Variants in MET observed in about 807,000 individuals in gnomAD.
The protein encoded by MET is MET proto-oncogene, receptor tyrosine kinase.
In MET, 48 loss-of-function variants were observed where a neutral mutation model predicts 133.1. That is an observed-to-expected ratio of 0.36 (90% CI 0.29 to 0.46). The LOEUF is 0.46. Ranked by LOEUF, MET falls within the 20% of genes least tolerant of loss-of-function variation. The probability of loss-of-function intolerance (pLI) is 1.00; values close to 1 mark genes in which losing one functional copy is unlikely to be tolerated. For missense variants in MET, 1,442 were observed against 1,695.9 expected, an observed-to-expected ratio of 0.85 and a Z score of 2.63; for synonymous variants, 628 against 616.5, an observed-to-expected ratio of 1.02 and a Z score of -0.28.
intron 5 of MET, 81 bp downstream of exon 5, chr7:116,741,106 G>GT (rs1168159294): frequency 5.1e-6 from 7 of 1,383,462 alleles, no homozygotes; most frequent in African/African-American, 3.7e-5. Flanking sequence ...TTTGTTTTTT[G>GT]TTTTTTTAGA....
chr7:116,754,774 G>A (rs756043598), intron 5 of MET, among the ~76,000 whole-genome samples: 6 of 150,784 alleles, frequency 4.0e-5, no homozygotes, highest in Non-Finnish European at 7.4e-5. Flanking sequence ...CCATGATCAC[G>A]CCACTGCACT....
At chr7:116,742,206 G>A (rs985111649) in intron 5 of MET, among the ~76,000 whole-genome samples, 2 of 152,210 alleles carry the variant, frequency 1.3e-5, no homozygotes, top group African/African-American at 4.8e-5. Flanking sequence ...TTTAGTTACG[G>A]TTTGGAGCAA....
chr7:116,724,276 C>G (rs567881883), intron 2 of MET: 2 of 172,200 alleles, frequency 1.2e-5, no homozygotes, highest in East Asian at 1.6e-4. Flanking sequence ...TTTCTTTGAT[C>G]CCTGACCCCT....
chr7:116,713,768 A>T (rs1284750228), intron 2 of MET, among the ~76,000 whole-genome samples: 1 of 152,160 alleles, frequency 6.6e-6, no homozygotes, highest in East Asian at 1.9e-4. Context: ...GGCTTGAACG[A>T]TATATTGGGA....
intron 11 of MET, among the ~76,000 whole-genome samples, chr7:116,769,267 TTAGA>T (rs562541499): frequency 1.3e-5 from 2 of 152,220 alleles, no homozygotes; most frequent in African/African-American, 2.4e-5. Flanking sequence ...TTGGGCAGTG[TTAGA>T]TAGTGCAACA....
chr7:116,757,516 C>A lies in MET; in HGVS notation c.1942C>A (p.Gln648Lys). 1 of 1,613,632 alleles carries A rather than the reference C, an allele frequency of 6.2e-7. No homozygotes were observed. The highest frequency in any genetic ancestry group is 8.5e-7 in the Non-Finnish European group (1 of 1,179,688). Residue 648 changes from glutamine to lysine, a missense_variant, in exon 7 of 21, where the codon CAA (glutamine) becomes AAA (lysine). Physicochemically the swap from Gln to Lys is moderately conservative, Grantham distance 53 (BLOSUM62 1). Around this residue, in one of 6 missense-constraint regions of MET, gnomAD observed 514 missense variants for 659.6 expected, o/e 0.78. Coordinates refer to ENST00000397752, the MANE Select transcript of MET (RefSeq NM_000245.4). ...IIISNGHGTTQYSTFSYVDPV... is the reference protein window; with the variant it reads ...IIISNGHGTTKYSTFSYVDPV... The stretch of plus-strand genomic sequence containing the variant: ...TATTTCAAATGGCCACGGGACAACA[C>A]AATACAGTACATTCTCCTATGTGGT...
At chr7:116,723,918 G>C (rs1792613414) in intron 2 of MET, among the ~76,000 whole-genome samples, 1 of 152,246 alleles carries the variant, frequency 6.6e-6, no homozygotes, top group Non-Finnish European at 1.5e-5. Context: ...AGTCTGCAGA[G>C]GTTACTGCTG....
Position 116,726,171 on chromosome 7 carries a change from A to ACACACACACAC in MET, c.1201-5497_1201-5496insCACACACACAC, listed in dbSNP as rs71148331. On this transcript the variant is annotated intron_variant, in intron 2 of 20. Coordinates refer to ENST00000397752, the MANE Select transcript of MET (RefSeq NM_000245.4). ...TATATATATATATATATATATATAT[A>ACACACACACAC]TATATATGGGATATAAAACAAATAC... Among the ~76,000 whole-genome samples, 136 of 122,630 alleles carry ACACACACACAC rather than the reference A, an allele frequency of 1.1e-3. 1 individual carries two copies. The highest frequency in any genetic ancestry group is 3.9e-3 in the Middle Eastern group (1 of 256). The allele number at this position is 122,630 out of a possible 152,430, so 80.5% of individuals were successfully genotyped here.
chr7:116,720,038 T>C (rs1035266703), intron 2 of MET, among the ~76,000 whole-genome samples: 3 of 152,180 alleles, frequency 2.0e-5, no homozygotes, highest in Admixed American at 6.5e-5. Context: ...AAGTCATTGG[T>C]AGCTTTATGG....
intron 5 of MET, among the ~76,000 whole-genome samples, chr7:116,745,742 A>T (rs1364262437): frequency 6.6e-6 from 1 of 152,234 alleles, no homozygotes; most frequent in Non-Finnish European, 1.5e-5. Flanking sequence ...GAAAGCTGAA[A>T]CTGGATCCCT....
chr7:116,786,639 G>T (rs1403121735), intron 19 of MET, among the ~76,000 whole-genome samples: 1 of 152,178 alleles, frequency 6.6e-6, no homozygotes, highest in African/African-American at 2.4e-5. Flanking sequence ...GAGCACAGGT[G>T]TTGAATGGAA....
intron 19 of MET, among the ~76,000 whole-genome samples, chr7:116,788,269 C>A (rs1795378436): frequency 2.0e-5 from 3 of 152,098 alleles, no homozygotes; most frequent in South Asian, 4.1e-4. Flanking sequence ...AGCTGCACGT[C>A]TATATAAATT....
intron 2 of MET, among the ~76,000 whole-genome samples, chr7:116,712,594 A>G (rs1792041395): frequency 6.6e-6 from 1 of 152,158 alleles, no homozygotes; most frequent in African/African-American, 2.4e-5. Flanking sequence ...TCTCCCCTAA[A>G]TCCCTAAAAA....
intron 1 of MET, among the ~76,000 whole-genome samples, chr7:116,674,888 C>G (rs996492493): frequency 1.3e-5 from 2 of 152,064 alleles, no homozygotes; most frequent in Non-Finnish European, 2.9e-5. Flanking sequence ...GTCTAAATCC[C>G]TAAGATTTCC....
chr7:116,719,912 G>C (rs1235254882), intron 2 of MET, among the ~76,000 whole-genome samples: 1 of 152,108 alleles, frequency 6.6e-6, no homozygotes, highest in Admixed American at 6.5e-5. Flanking sequence ...ATAGTTTGAA[G>C]TCAGGTAGCG....
chr7:116,783,563 C>A (rs980783723), intron 19 of MET, 94 bp downstream of exon 19: 1 of 1,257,300 alleles, frequency 8.0e-7, no homozygotes, highest in Non-Finnish European at 1.1e-6. Flanking sequence ...TAAAAAAATT[C>A]AACACCACCA....
At chr7:116,694,906 T>C (rs932214516) in intron 1 of MET, among the ~76,000 whole-genome samples, 1 of 152,062 alleles carries the variant, frequency 6.6e-6, no homozygotes, top group Non-Finnish European at 1.5e-5. Context: ...AGGATGGTTG[T>C]GATCTCCTGA....
intron 2 of MET, among the ~76,000 whole-genome samples, chr7:116,725,497 A>C (rs1792714384): frequency 6.8e-6 from 1 of 148,084 alleles, no homozygotes; most frequent in African/African-American, 2.5e-5. Flanking sequence ...CACACACACA[A>C]AAGAATTATG....
chr7:116,794,514 G>A (rs1321921325), intron 19 of MET, among the ~76,000 whole-genome samples: 1 of 152,216 alleles, frequency 6.6e-6, no homozygotes, highest in Non-Finnish European at 1.5e-5. Flanking sequence ...ATGGTAATTT[G>A]TATCAGCAAT....
Sources: allele counts gnomAD v4.1 joint callset (sites outside exome capture counted in the v4.1 genomes callset), GRCh38; gene constraint gnomAD v4.1.1; regional missense constraint gnomAD v4.1.1; transcripts MANE v1.5; gene names NCBI Gene and HGNC (gene_info 2026-07-23, HGNC 2026-07-21).